Variants in LRRC8C observed in about 807,000 individuals in gnomAD.
The protein encoded by LRRC8C is volume-regulated anion channel subunit LRRC8C.
LRRC8C carries 20 observed loss-of-function variants against 55.3 expected under a neutral mutation model. The ratio of observed to expected loss-of-function variants is 0.36; its 90% confidence interval spans 0.25 to 0.53. The LOEUF is 0.53. Ranked by LOEUF, LRRC8C falls within the 20% of genes least tolerant of loss-of-function variation. The probability of loss-of-function intolerance (pLI) is 0.92; values close to 1 mark genes in which losing one functional copy is unlikely to be tolerated. For synonymous variants in LRRC8C, 376 were observed against 360.7 expected (o/e 1.04, Z -0.48); for missense variants, 659 against 951.4 (o/e 0.69, Z 4.04).
At chr1:89,686,376 C>A in intron 1 of LRRC8C, 94 bp from the exon 2 acceptor site, 2 of 1,300,506 alleles carry the variant, frequency 1.5e-6, no homozygotes, top group Non-Finnish European at 2.2e-6. Context: ...CTAATTCAGA[C>A]CTCTGCTGTG....
At chr1:89,692,105 A>G (rs1658042625) in intron 2 of LRRC8C, among the ~76,000 whole-genome samples, 1 of 152,204 alleles carries the variant, frequency 6.6e-6, no homozygotes, top group African/African-American at 2.4e-5. Context: ...TCCACTAAAA[A>G]TGGCTTAATG....
At chr1:89,652,325 C>G (rs1377481886) in intron 1 of LRRC8C, among the ~76,000 whole-genome samples, 1 of 152,066 alleles carries the variant, frequency 6.6e-6, no homozygotes, top group Non-Finnish European at 1.5e-5. Flanking sequence ...TAATTATTTC[C>G]AGGGGTATGA....
chr1:89,666,586 C>A (rs981087043), intron 1 of LRRC8C, among the ~76,000 whole-genome samples: 13 of 152,080 alleles, frequency 8.5e-5, no homozygotes, highest in Admixed American at 5.2e-4. Context: ...TTCCTCTTTG[C>A]CCCTAAACAG....
rs1275419482 is a variant in LRRC8C, at chr1:89,713,809, A to G, written c.1239A>G (p.Lys413=). Reference sequence around the variant, plus strand: ...TAAATAACGAATGGACTCCTGATAAACTGAGGCAGAAGCTACAGACAAATG... The same window carrying G: ...TAAATAACGAATGGACTCCTGATAAGCTGAGGCAGAAGCTACAGACAAATG... ...LNLNNEWTPD[K]LRQKLQTNAH... is the part of the protein sequence containing the mutation. The change falls in exon 3 of 3, where the codon AAA becomes AAG. Residue 413 remains lysine (K), a synonymous_variant. Transcript: ENST00000370454. The surrounding 1 kb of genome is among the most constrained non-coding windows in gnomAD (Gnocchi z 5.2). The G allele has an allele frequency of 1.9e-6, 3 of 1,614,084 alleles. No individual in the cohort carries two copies. The Admixed American group carries it at 5.0e-5, about 27-fold the overall frequency.
In LRRC8C at chr1:89,644,697, GA is replaced by G. The variant is rs373533179; in HGVS notation, c.-5+11381del. On this transcript the variant is annotated intron_variant, in intron 1 of 2. Coordinates refer to ENST00000370454, the MANE Select transcript of LRRC8C (RefSeq NM_032270.5). Reference sequence around the variant, plus strand: ...GAAAGTGAAGGGGAAATCCTAGGGGGAAAAAAGTCACATAAAAGAGATTGCC... The same window carrying G: ...GAAAGTGAAGGGGAAATCCTAGGGGGAAAAAGTCACATAAAAGAGATTGCC... 8.1e-4 allele frequency among the ~76,000 whole-genome samples: 124 copies of G among 152,240 alleles called. 4 individuals carry two copies. In the South Asian group the frequency reaches 0.024, roughly 30 times the overall value.
At chr1:89,641,610 C>T (rs761756461) in intron 1 of LRRC8C, among the ~76,000 whole-genome samples, 4 of 151,896 alleles carry the variant, frequency 2.6e-5, no homozygotes, top group Non-Finnish European at 5.9e-5. Context: ...CTGTCTTGGT[C>T]AAGGAAGTCT....
upstream of LRRC8C, among the ~76,000 whole-genome samples, chr1:89,630,168 C>G (rs756757532): frequency 2.0e-5 from 3 of 152,094 alleles, no homozygotes; most frequent in Non-Finnish European, 4.4e-5. Flanking sequence ...ATTAATTACG[C>G]CTTCAAGGAA....
rs114626290 is a variant in LRRC8C at position 89,659,565 on chromosome 1, G to A, written c.-5+26243G>A. Among the ~76,000 whole-genome samples, 186 of 152,226 alleles carry A rather than the reference G, an allele frequency of 1.2e-3. 1 individual carries two copies. The highest frequency in any genetic ancestry group is 3.9e-3 in the African/African-American group (161 of 41,526). ...CTAAGTACACAGTAAACCTTAGCTC[G>A]TGTTATGATGGAGGTGGGGTTTTCC... is the stretch of plus-strand genomic sequence containing the variant. On this transcript the variant is annotated intron_variant, in intron 1 of 2. Transcript: ENST00000370454.
chr1:89,668,991 C>T (rs1003354288), intron 1 of LRRC8C, among the ~76,000 whole-genome samples: 17 of 152,092 alleles, frequency 1.1e-4, no homozygotes, highest in Admixed American at 1.1e-3. Context: ...AATTCTTATT[C>T]TCAAAAGTAA....
At chr1:89,653,940 T>A (rs922822572) in intron 1 of LRRC8C, among the ~76,000 whole-genome samples, 17 of 152,224 alleles carry the variant, frequency 1.1e-4, no homozygotes, top group Admixed American at 1.3e-4. Context: ...CTTGTATGTT[T>A]ATTGCAGCAT....
chr1:89,718,296 A>C lies in LRRC8C; in HGVS notation c.*3314A>C, dbSNP rs1658881542. 1 of 152,158 alleles carries C rather than the reference A, an allele frequency of 6.6e-6. No individual in the cohort carries two copies. The highest frequency in any genetic ancestry group is 6.5e-5 in the Admixed American group (1 of 15,280). The allele number at this position is 152,158 out of a possible 1,614,324, so 9.4% of individuals were successfully genotyped here. A position where few individuals can be genotyped will look rare whatever the true frequency, so the allele number is the denominator to read the frequency against. Reference sequence around the variant, plus strand: ...GCTTTTTCAGAAAGACCTGGAAAACATACCTGCTATGAATATTTTGTTCAG... The same window carrying C: ...GCTTTTTCAGAAAGACCTGGAAAACCTACCTGCTATGAATATTTTGTTCAG... On this transcript the variant is annotated 3_prime_UTR_variant, in exon 3 of 3. Transcript: ENST00000370454.
rs547999269 is a variant in LRRC8C, at chr1:89,648,170, A to G, written c.-5+14848A>G. Among the ~76,000 whole-genome samples the G allele has an allele frequency of 9.6e-4, 147 of 152,372 alleles. 5 individuals carry two copies. In the South Asian group the frequency reaches 0.03, roughly 31 times the overall value. On this transcript the variant is annotated intron_variant, in intron 1 of 2. Transcript: ENST00000370454. ...AAATATGTTTATAAATCGAATACAT[A>G]GGTTAAAACTATTGTATAAGTATTT...
intron 2 of LRRC8C, among the ~76,000 whole-genome samples, chr1:89,707,562 A>G (rs1042613628): frequency 1.3e-5 from 2 of 150,788 alleles, no homozygotes; most frequent in Non-Finnish European, 2.9e-5. Flanking sequence ...GCCCAGGTAA[A>G]CTCTGTACAG....
At chr1:89,650,622 A>C (rs1656737098) in intron 1 of LRRC8C, among the ~76,000 whole-genome samples, 1 of 152,214 alleles carries the variant, frequency 6.6e-6, no homozygotes, top group African/African-American at 2.4e-5. Flanking sequence ...ATACTTTTTG[A>C]AACAATGTAC....
chr1:89,686,451 G>T lies in LRRC8C; in HGVS notation c.-4-19G>T. ...TACTGGAAGATAAATTGATTTACAA[G>T]TAATCTCTCCTTTCTCAGAAACATG... On this transcript the variant is annotated intron_variant, in intron 1 of 2. Transcript: ENST00000370454. The T allele has an allele frequency of 6.2e-7, 1 of 1,613,514 alleles. No individual in the cohort carries two copies. Among genetic ancestry groups the T allele is most frequent in the Non-Finnish European group, 8.5e-7 (1 of 1,179,824 alleles).
chr1:89,676,065 T>C (rs1657541171), intron 1 of LRRC8C, among the ~76,000 whole-genome samples: 1 of 152,234 alleles, frequency 6.6e-6, no homozygotes, highest in African/African-American at 2.4e-5. Context: ...TAAATAATTA[T>C]TAGTATCATA....
At chr1:89,695,770 A>G (rs1658157409) in intron 2 of LRRC8C, among the ~76,000 whole-genome samples, 1 of 152,332 alleles carries the variant, frequency 6.6e-6, no homozygotes, top group African/African-American at 2.4e-5. Flanking sequence ...AAAAAACAAA[A>G]TCTTTCCCCA....
chr1:89,658,227 C>T (rs537859103), intron 1 of LRRC8C, among the ~76,000 whole-genome samples: 24 of 152,244 alleles, frequency 1.6e-4, no homozygotes, highest in Admixed American at 5.2e-4. Flanking sequence ...TCTGCCCGAC[C>T]TCTTCCTGTT....
chr1:89,682,839 A>G (rs971889557), intron 1 of LRRC8C, among the ~76,000 whole-genome samples: 1 of 152,244 alleles, frequency 6.6e-6, no homozygotes, highest in Non-Finnish European at 1.5e-5. Context: ...CCAAAGTACA[A>G]TGGTTGTCTG....
Sources: gnomAD v4.1 joint callset for allele counts (sites outside exome capture counted in the v4.1 genomes callset) on GRCh38, gnomAD v4.1.1 for gene constraint, Gnocchi (gnomAD v3.1) non-coding constraint, MANE v1.5 for transcripts, NCBI Gene and HGNC (gene_info 2026-07-23, HGNC 2026-07-21) for gene names.